Variants in ZFPM1 observed in about 807,000 individuals in gnomAD.
ZFPM1 encodes the protein zinc finger protein, FOG family member 1.
In ZFPM1, 28 loss-of-function variants were observed where a neutral mutation model predicts 46.3. The observed-to-expected ratio is 0.60, with a 90% CI of 0.45 to 0.83. The LOEUF is 0.83. Ranked by LOEUF, ZFPM1 falls within the 40% of genes least tolerant of loss-of-function variation. The probability of loss-of-function intolerance (pLI) is 0.00; values close to 1 mark genes in which losing one functional copy is unlikely to be tolerated. For missense variants in ZFPM1, 1,878 were observed against 1,432.4 expected, an observed-to-expected ratio of 1.31 and a Z score of -5.02; for synonymous variants, 957 against 675.9, an observed-to-expected ratio of 1.42 and a Z score of -6.45.
At chr16:88,529,649 G>A (rs907734971) in intron 6 of ZFPM1, among the ~76,000 whole-genome samples, 1 of 152,226 alleles carries the variant, frequency 6.6e-6, no homozygotes, top group Non-Finnish European at 1.5e-5. Flanking sequence ...GGTACGGAGA[G>A]TGAGCTGAGA....
At position 88,453,665 on chromosome 16, in the gene ZFPM1, C is replaced by A. The variant is rs776466388; in HGVS notation, c.27C>A (p.Pro9=). 3 of 1,200,940 alleles carry A rather than the reference C, an allele frequency of 2.5e-6. No individual in the cohort carries two copies. Among genetic ancestry groups the A allele is most frequent in the Admixed American group, 3.0e-5 (1 of 33,858 alleles). 74.4% of individuals were successfully genotyped at this position (1,200,940 alleles called of 1,614,324 possible). MSRRKQSN[P]RQIKRSLGDM... ...TGTCCAGGCGGAAACAGAGCAACCCCCGGCAGATCAAGCGTGAGTCAAACT... is the reference window on the plus strand; with the variant it reads ...TGTCCAGGCGGAAACAGAGCAACCCACGGCAGATCAAGCGTGAGTCAAACT... The change falls in exon 1 of 10, where the codon CCC becomes CCA. Residue 9 remains proline (P), a synonymous_variant. Transcript: ENST00000319555.
At chr16:88,516,395 C>A in intron 4 of ZFPM1, 2 of 397,732 alleles carry the variant, frequency 5.0e-6, no homozygotes, top group Non-Finnish European at 8.8e-6. Flanking sequence ...TAGAAACGCT[C>A]CCAAGTGGGG....
chr16:88,489,420 G>A (rs143341732), intron 3 of ZFPM1: 5,873 of 436,584 alleles, frequency 0.013, 85 homozygotes, highest in Non-Finnish European at 0.017. Context: ...TCTGGGCCGC[G>A]GAAGAGGATC....
chr16:88,521,516 C>T (rs1365705157), intron 4 of ZFPM1, among the ~76,000 whole-genome samples: 2 of 151,620 alleles, frequency 1.3e-5, no homozygotes, highest in Non-Finnish European at 2.9e-5. Flanking sequence ...GTTCCCTCCC[C>T]CGTGCTGTTC....
At position 88,534,540 on chromosome 16, in the gene ZFPM1, C is replaced by A; in HGVS notation, c.2582C>A (p.Pro861Gln). Reference sequence around the variant, plus strand: ...GCCGCCGCCTGCCCCTACTGCCCCCCGAACGGCCCGGTGCGCGGGGACCTG... The same window carrying A: ...GCCGCCGCCTGCCCCTACTGCCCCCAGAACGGCCCGGTGCGCGGGGACCTG... ...LPAAACPYCP[P>Q]NGPVRGDLLE... The change falls in exon 10 of 10, where the codon CCG (proline) becomes CAG (glutamine). Residue 861 changes from proline to glutamine, a missense_variant. Pro to Gln is a moderately conservative substitution (Grantham distance 76, BLOSUM62 -1). Coordinates refer to ENST00000319555, the MANE Select transcript of ZFPM1 (RefSeq NM_153813.3). The A allele has an allele frequency of 7.2e-7, 1 of 1,383,562 alleles. No individual in the cohort carries two copies. 85.7% of individuals were successfully genotyped at this position (1,383,562 alleles called of 1,614,324 possible).
chr16:88,514,648 TG>T, intron 4 of ZFPM1, 128 bp downstream of exon 4: 1 of 1,272,432 alleles, frequency 7.9e-7, no homozygotes, highest in Non-Finnish European at 1.1e-6. Flanking sequence ...CCTGAGATAT[TG>T]GGACCTGGAG....
At chr16:88,501,759 CTGA>C (rs1484296531) in intron 3 of ZFPM1, among the ~76,000 whole-genome samples, 2 of 147,096 alleles carry the variant, frequency 1.4e-5, no homozygotes, top group African/African-American at 2.7e-5. Flanking sequence ...CCCGCTGGTG[CTGA>C]TGATAATGGA....
intron 3 of ZFPM1, among the ~76,000 whole-genome samples, chr16:88,499,905 G>A (rs182637263): frequency 6.6e-6 from 1 of 152,292 alleles, no homozygotes; most frequent in African/African-American, 2.4e-5. Context: ...AGCAGAGGGT[G>A]AGCGGACAGT....
intron 1 of ZFPM1, 78 bp downstream of exon 1, chr16:88,453,756 C>A (rs1327179674): frequency 2.2e-6 from 2 of 900,188 alleles, no homozygotes; most frequent in Non-Finnish European, 1.4e-6. Context: ...CGCCCCCGCC[C>A]GTCCCCGCTC....
intron 4 of ZFPM1, among the ~76,000 whole-genome samples, chr16:88,519,102 GTGGATGGGTGGATGGA>G (rs1294386619): frequency 7.7e-6 from 1 of 130,432 alleles, no homozygotes; most frequent in Non-Finnish European, 1.6e-5. Context: ...GAGAGTGTGG[GTGGATGGGTGGATGGA>G]TGGATGGATG....
At chr16:88,528,321 T>G in intron 6 of ZFPM1, 83 bp downstream of exon 6, 2 of 1,384,248 alleles carry the variant, frequency 1.4e-6, no homozygotes, top group Non-Finnish European at 1.9e-6. Flanking sequence ...GAGCTGAGGG[T>G]GGGAAGCTCG....
At chr16:88,473,371 G>C (rs1341689601) in intron 1 of ZFPM1, among the ~76,000 whole-genome samples, 2 of 152,358 alleles carry the variant, frequency 1.3e-5, no homozygotes, top group Middle Eastern at 6.8e-3. Flanking sequence ...TCAGGCCTCA[G>C]CCCAGCTGTA....
In ZFPM1 at chr16:88,534,758, C is replaced by A; in HGVS notation, c.2800C>A (p.Pro934Thr). 9.3e-7 allele frequency: 1 copy of A among 1,080,246 alleles called. No individual in the cohort carries two copies. The highest frequency in any genetic ancestry group is 1.1e-6 in the Non-Finnish European group (1 of 890,846). The allele number at this position is 1,080,246 out of a possible 1,614,324, so 66.9% of individuals were successfully genotyped here. The change falls in exon 10 of 10, where the codon CCG becomes ACG. Residue 934 changes from proline (P) to threonine (T), a missense_variant. Transcript: ENST00000319555. ...EPQEPPPGPP[P>T]SPAAAPEAVP... Reference sequence around the variant, plus strand: ...CCAGGAGCCGCCGCCCGGCCCGCCCCCGTCCCCGGCCGCCGCGCCCGAGGC... The same window carrying A: ...CCAGGAGCCGCCGCCCGGCCCGCCCACGTCCCCGGCCGCCGCGCCCGAGGC...
intron 1 of ZFPM1, among the ~76,000 whole-genome samples, chr16:88,462,163 G>A (rs1330151489): frequency 2.6e-5 from 4 of 152,174 alleles, no homozygotes; most frequent in African/African-American, 7.2e-5. Context: ...CTGTGCCTCC[G>A]TCTGCTTCCC....
At chr16:88,506,548 G>A (rs950489322) in intron 3 of ZFPM1, among the ~76,000 whole-genome samples, 4 of 152,188 alleles carry the variant, frequency 2.6e-5, no homozygotes, top group Admixed American at 6.5e-5. Context: ...CGTCCGCAGA[G>A]TGGTGGCCAT....
In ZFPM1 at chr16:88,486,009, C is replaced by T. The variant is rs1279992038; in HGVS notation, c.111C>T (p.Ala37=). 6.2e-7 allele frequency: 1 copy of T among 1,612,818 alleles called. No homozygotes were observed. The highest frequency in any genetic ancestry group is 2.2e-5 in the East Asian group (1 of 44,884). ...LVGASHMEQK[A]TAPEAPSPPS... is the part of the protein sequence containing the mutation. Reference sequence around the variant, plus strand: ...GTGCCAGCCACATGGAGCAAAAGGCCACGGCACCTGAAGCCCCGAGCCCTC... The same window carrying T: ...GTGCCAGCCACATGGAGCAAAAGGCTACGGCACCTGAAGCCCCGAGCCCTC... Residue 37 remains alanine, a synonymous_variant, in exon 2 of 10, where the codon GCC becomes GCT. Coordinates refer to ENST00000319555, the MANE Select transcript of ZFPM1 (RefSeq NM_153813.3).
intron 4 of ZFPM1, among the ~76,000 whole-genome samples, chr16:88,524,153 C>T (rs1267589279): frequency 6.6e-6 from 1 of 152,168 alleles, no homozygotes; most frequent in Non-Finnish European, 1.5e-5. Flanking sequence ...GAGGATCAAG[C>T]AGATTAATTT....
Position 88,534,970 on chromosome 16 carries a change from C to T in ZFPM1, c.3012C>T (p.His1004=), listed in dbSNP as rs1235130999. The T allele has an allele frequency of 4.8e-6, 7 of 1,449,670 alleles. No individual in the cohort carries two copies. The highest frequency in any genetic ancestry group is 2.9e-5 in the African/African-American group (2 of 69,114). 89.8% of individuals were successfully genotyped at this position (1,449,670 alleles called of 1,614,324 possible). Residue 1004 remains histidine, a synonymous_variant, in exon 10 of 10, where the codon CAC becomes CAT. Coordinates refer to ENST00000319555, the MANE Select transcript of ZFPM1 (RefSeq NM_153813.3). ...ACTGCTCCTCGCACGCCGCCGAGCA[C>T]GTGAAGTGAGCGCCCACACTACAGC... ...KYYCSSHAAE[H]VK
intron 3 of ZFPM1, among the ~76,000 whole-genome samples, chr16:88,494,155 G>A (rs1385869527): frequency 1.3e-5 from 2 of 152,132 alleles, no homozygotes; most frequent in African/African-American, 4.8e-5. Flanking sequence ...CTGCCCCGGG[G>A]CGGCCTGGGT....
Sources: allele counts gnomAD v4.1 joint callset (sites outside exome capture counted in the v4.1 genomes callset), GRCh38; gene constraint gnomAD v4.1.1; transcripts MANE v1.5; gene names NCBI Gene and HGNC (gene_info 2026-07-23, HGNC 2026-07-21).